The following TRPC4AP variants were observed in gnomAD, a reference collection of about 807,000 sequenced individuals.
TRPC4AP encodes transient receptor potential cation channel subfamily C member 4 associated protein.
In TRPC4AP, 45 loss-of-function variants were observed where a neutral mutation model predicts 99.0. That is an observed-to-expected ratio of 0.45 (90% CI 0.36 to 0.58). TRPC4AP has a LOEUF of 0.58. Ranked by LOEUF, TRPC4AP falls within the 20% of genes least tolerant of loss-of-function variation. TRPC4AP has a pLI of 0.00. For missense variants in TRPC4AP, 879 were observed against 985.3 expected (o/e 0.89, Z 1.44); for synonymous variants, 408 against 385.8 (o/e 1.06, Z -0.67).
intron 8 of TRPC4AP, among the ~76,000 whole-genome samples, chr20:35,024,462 G>A (rs2082970055): frequency 6.6e-6 from 1 of 152,030 alleles, no homozygotes; most frequent in African/African-American, 2.4e-5. Context: ...ATGTTTTCAA[G>A]GTTTATCCAT....
intron 10 of TRPC4AP, among the ~76,000 whole-genome samples, chr20:35,015,523 C>T (rs1274598536): frequency 7.0e-6 from 1 of 143,360 alleles, no homozygotes; most frequent in Non-Finnish European, 1.5e-5. Context: ...AGTCCAGTGG[C>T]GTGATCTCAG....
intron 14 of TRPC4AP, 133 bp from the exon 15 acceptor site, chr20:35,006,708 T>C: frequency 8.2e-7 from 1 of 1,224,910 alleles, no homozygotes; most frequent in Non-Finnish European, 1.1e-6. Context: ...TAGATTCTTG[T>C]CTGAGGATGC....
chr20:35,026,803 A>G (rs1346659042), intron 8 of TRPC4AP, among the ~76,000 whole-genome samples: 2 of 151,992 alleles, frequency 1.3e-5, no homozygotes, highest in East Asian at 3.9e-4. Context: ...TAAGTATTTT[A>G]TTTTTTTGAT....
At chr20:35,086,539 G>GTATATA (rs1569158071) in intron 1 of TRPC4AP, among the ~76,000 whole-genome samples, 3 of 16,268 alleles carry the variant, frequency 1.8e-4, no homozygotes, top group African/African-American at 7.9e-4. Context: ...GTGTGTGTGT[G>GTATATA]TGTGTGTGTG....
In TRPC4AP at chr20:35,092,657, C is replaced by T; in HGVS notation, c.125G>A (p.Arg42Gln). 4 of 1,520,840 alleles carry T rather than the reference C, an allele frequency of 2.6e-6. No homozygotes were observed. The highest frequency in any genetic ancestry group is 3.5e-6 in the Non-Finnish European group (4 of 1,142,736). 94.2% of individuals were successfully genotyped at this position (1,520,840 alleles called of 1,614,324 possible). Residue 42 changes from arginine (R) to glutamine (Q), a missense_variant, in exon 1 of 19, where the codon CGG (arginine) becomes CAG (glutamine). Coordinates refer to ENST00000252015, the MANE Select transcript of TRPC4AP (RefSeq NM_015638.3). ...PRPGNILLQLRQGQLTGRGLV... is the reference protein window; with the variant it reads ...PRPGNILLQLQQGQLTGRGLV... ...GCCCCGGCCGGTCAGCTGGCCCTGC[C>T]GCAGCTGCAGCAGAATGTTACCAGG...
In TRPC4AP at chr20:35,002,863, T is replaced by TA. The variant is rs1314801963; in HGVS notation, c.*282dup. The TA allele has an allele frequency of 2.7e-6, 1 of 365,336 alleles. No homozygotes were observed. Among genetic ancestry groups the TA allele is most frequent in the East Asian group, 5.6e-5 (1 of 18,002 alleles). The allele number at this position is 365,336 out of a possible 1,614,324, so 22.6% of individuals were successfully genotyped here. ...GCAGGAGCTCACACAGAGCTAATGC[T>TA]AAATGTCCTCTTACCTCTGGGTGGC... On this transcript the variant is annotated 3_prime_UTR_variant, in exon 19 of 19. Coordinates refer to ENST00000252015, the MANE Select transcript of TRPC4AP (RefSeq NM_015638.3).
chr20:35,036,447 C>T (rs1037098175), intron 7 of TRPC4AP, among the ~76,000 whole-genome samples: 6 of 152,062 alleles, frequency 3.9e-5, no homozygotes, highest in African/African-American at 1.4e-4. Flanking sequence ...GAATGTTACA[C>T]CTAATTAAAA....
At position 35,035,162 on chromosome 20, in the gene TRPC4AP, G is replaced by A. The variant is rs1259376603; in HGVS notation, c.1012C>T (p.Leu338=). The part of the protein sequence containing the change: ...WLDNALVLDA[L]MRVANEESEH... ...GACTCCTCATTGGCCACTCGCATCA[G>A]GGCATCTAGCACCAAAGCATTGTCT... The change falls in exon 8 of 19, where the codon CTG becomes TTG. Residue 338 remains leucine, a synonymous_variant. Coordinates refer to ENST00000252015, the MANE Select transcript of TRPC4AP (RefSeq NM_015638.3). 6.2e-7 allele frequency: 1 copy of A among 1,613,990 alleles called. No individual in the cohort carries two copies. Among genetic ancestry groups the A allele is most frequent in the South Asian group, 1.1e-5 (1 of 91,034 alleles).
rs186477388 is a variant in TRPC4AP at position 35,016,203 on chromosome 20, G to A, written c.1219-64C>T. ...TGCTTGAAAAATCTAGCAAAACCTC[G>A]TGCTCAGTACACACGATAATGATAT... On this transcript the variant is annotated intron_variant, in intron 9 of 18. Coordinates refer to ENST00000252015, the MANE Select transcript of TRPC4AP (RefSeq NM_015638.3). The A allele has an allele frequency of 7.3e-4, 1,158 of 1,585,788 alleles. 5 individuals are homozygous for A. Among genetic ancestry groups the A allele is most frequent in the Admixed American group, 2.5e-4 (15 of 59,844 alleles).
chr20:35,036,815 G>C (rs1389391550), intron 7 of TRPC4AP, among the ~76,000 whole-genome samples: 2 of 152,010 alleles, frequency 1.3e-5, no homozygotes, highest in African/African-American at 4.8e-5. Flanking sequence ...GCGTGGTATC[G>C]TGCGCCTGTA....
At chr20:35,085,999 C>T (rs1297138668) in intron 1 of TRPC4AP, among the ~76,000 whole-genome samples, 2 of 152,110 alleles carry the variant, frequency 1.3e-5, no homozygotes, top group East Asian at 1.9e-4. Context: ...CTGCAACCTC[C>T]GTCTCCTGGG....
chr20:35,058,687 CTTTTTTTTTTT>C (rs71196781), intron 3 of TRPC4AP, among the ~76,000 whole-genome samples: 1 of 110,366 alleles, frequency 9.1e-6, no homozygotes, highest in African/African-American at 3.5e-5. Flanking sequence ...AAAGAAAATT[CTTTTTTTTTTT>C]TTTTTTTTTG....
At chr20:35,041,967 G>A (rs965543214) in intron 7 of TRPC4AP, among the ~76,000 whole-genome samples, 1 of 152,142 alleles carries the variant, frequency 6.6e-6, no homozygotes, top group African/African-American at 2.4e-5. Context: ...TGTATATGGA[G>A]GTGTGTACAC....
intron 1 of TRPC4AP, among the ~76,000 whole-genome samples, chr20:35,091,029 G>A (rs1034896849): frequency 1.3e-5 from 2 of 151,882 alleles, no homozygotes; most frequent in African/African-American, 4.8e-5. Flanking sequence ...GCTTAAGAAG[G>A]AAAGAGCAAG....
intron 2 of TRPC4AP, among the ~76,000 whole-genome samples, chr20:35,070,299 C>A (rs1283879034): frequency 6.6e-6 from 1 of 152,174 alleles, no homozygotes; most frequent in Non-Finnish European, 1.5e-5. Context: ...TAATCTCCTG[C>A]AGGAAGTCTT....
chr20:35,031,629 T>C (rs1305685877), intron 8 of TRPC4AP, among the ~76,000 whole-genome samples: 3 of 152,042 alleles, frequency 2.0e-5, no homozygotes, highest in Admixed American at 6.6e-5. Context: ...ATGATTTACA[T>C]TACATTTGGG....
intron 8 of TRPC4AP, among the ~76,000 whole-genome samples, chr20:35,026,666 T>G (rs1232180623): frequency 6.6e-6 from 1 of 152,250 alleles, no homozygotes; most frequent in Non-Finnish European, 1.5e-5. Flanking sequence ...AGAATGGGAC[T>G]ATCATTATCT....
At chr20:35,021,601 G>T (rs1013235270) in intron 8 of TRPC4AP, among the ~76,000 whole-genome samples, 3 of 152,074 alleles carry the variant, frequency 2.0e-5, no homozygotes, top group African/African-American at 7.2e-5. Flanking sequence ...AAAAATATTC[G>T]GACACAGCCA....
rs1477120613 is a variant in TRPC4AP, at chr20:35,038,407, A to G, written c.866-3099T>C. 2.0e-5 allele frequency among the ~76,000 whole-genome samples: 3 copies of G among 152,078 alleles called. No homozygotes were observed. In the East Asian group the frequency reaches 5.8e-4, roughly 29 times the overall value. ...TTCTTTGGAGGGTTAATTTGTCAAC[A>G]CTTACCAATTTCCATTAATGGGGGA... On this transcript the variant is annotated intron_variant, in intron 7 of 18. Transcript: ENST00000252015.
Sources: gnomAD v4.1 joint callset for allele counts (sites outside exome capture counted in the v4.1 genomes callset) on GRCh38, gnomAD v4.1.1 for gene constraint, MANE v1.5 for transcripts, NCBI Gene and HGNC (gene_info 2026-07-23, HGNC 2026-07-21) for gene names.